Variants in NEK9 observed in about 807,000 individuals in gnomAD.
NEK9 encodes the protein NIMA related kinase 9, also known as serine/threonine-protein kinase Nek9.
NEK9 carries 75 observed loss-of-function variants against 123.4 expected under a neutral mutation model. The ratio of observed to expected loss-of-function variants is 0.61; its 90% CI spans 0.50 to 0.74. The LOEUF is 0.74. NEK9 is among the 30% of genes least tolerant of loss of function. The probability of loss-of-function intolerance (pLI) is 0.00; values close to 1 mark genes in which losing one functional copy is unlikely to be tolerated. For synonymous variants in NEK9, 438 were observed against 458.7 expected (o/e 0.95, Z 0.58); for missense variants, 952 against 1,214.4 (o/e 0.78, Z 3.21).
chr14:75,123,290 A>G (rs1376684847), intron 2 of NEK9, among the ~76,000 whole-genome samples: 1 of 152,108 alleles, frequency 6.6e-6, no homozygotes, highest in Non-Finnish European at 1.5e-5. Context: ...AATCCCAGCT[A>G]CTTGGGAGGC....
At position 75,082,939 on chromosome 14, in the gene NEK9, A is replaced by G. The variant is rs932681453; in HGVS notation, c.*1625T>C. The G allele has an allele frequency of 5.0e-6, 2 of 398,508 alleles. No individual in the cohort carries two copies. The highest frequency in any genetic ancestry group is 8.8e-6 in the Non-Finnish European group (2 of 226,078). The allele number at this position is 398,508 out of a possible 1,614,324, so 24.7% of individuals were successfully genotyped here. ...GGTTTCAGTGATTACATTAGTACTA[A>G]TGTACTAGGCTTCCCAGAACTGAGA... On this transcript the variant is annotated 3_prime_UTR_variant, in exon 22 of 22. Transcript: ENST00000238616.
intron 16 of NEK9, among the ~76,000 whole-genome samples, chr14:75,099,198 G>A (rs777079915): frequency 6.6e-6 from 1 of 152,102 alleles, no homozygotes. Flanking sequence ...GGTGGCACAC[G>A]CCTGTAATTC....
intron 1 of NEK9, among the ~76,000 whole-genome samples, chr14:75,124,768 C>A (rs1253559371): frequency 7.0e-6 from 1 of 142,166 alleles, no homozygotes; most frequent in East Asian, 2.2e-4. Flanking sequence ...CTCCTGATGT[C>A]TACTATCTTT....
At chr14:75,114,492 A>G (rs1895064262) in intron 6 of NEK9, among the ~76,000 whole-genome samples, 179 bp from the exon 7 acceptor site, 1 of 152,346 alleles carries the variant, frequency 6.6e-6, no homozygotes, top group Middle Eastern at 3.4e-3. Context: ...TGATGCTATC[A>G]GACAGAATGA....
At chr14:75,119,993 T>C (rs930210296) in intron 4 of NEK9, among the ~76,000 whole-genome samples, 15 of 152,210 alleles carry the variant, frequency 9.9e-5, no homozygotes, top group African/African-American at 3.6e-4. Flanking sequence ...CACCAGTCAA[T>C]GACTCACTTA....
chr14:75,096,881 C>T (rs1894403909), intron 17 of NEK9: 1 of 393,350 alleles, frequency 2.5e-6, no homozygotes, highest in Non-Finnish European at 4.5e-6. Flanking sequence ...AGAGCCCAAA[C>T]TTATATTAAA....
At chr14:75,112,566 G>A (rs1894991626) in intron 8 of NEK9, among the ~76,000 whole-genome samples, 1 of 152,204 alleles carries the variant, frequency 6.6e-6, no homozygotes, top group Non-Finnish European at 1.5e-5. Context: ...TCTCATGCCT[G>A]TAATCCCAAC....
intron 1 of NEK9, 65 bp from the exon 2 acceptor site, chr14:75,124,288 G>C (rs1895443039): frequency 2.0e-6 from 3 of 1,476,884 alleles, no homozygotes; most frequent in East Asian, 2.3e-5. Flanking sequence ...TCCACACCTA[G>C]ATCTGTAAGC....
At chr14:75,127,144 A>AAGG (rs1214336050), upstream of NEK9, 1 of 475,148 alleles carries the variant, frequency 2.1e-6, no homozygotes, top group Non-Finnish European at 3.7e-6. Context: ...TCTAGCGGCC[A>AAGG]AGGCTTCCCG....
rs1894909118 is a variant in NEK9 at position 75,110,000 on chromosome 14, GAC to G, written c.990-125_990-124del. On this transcript the variant is annotated intron_variant, in intron 9 of 21. Transcript: ENST00000238616. ...GGTATGAGAAAGTATGTTCTTTCTCGACAACTTGTTTCAATGTGCTCTATCAC... is the reference window on the plus strand; with the variant it reads ...GGTATGAGAAAGTATGTTCTTTCTCGAACTTGTTTCAATGTGCTCTATCAC... 1.8e-5 allele frequency: 18 copies of G among 1,010,064 alleles called. No homozygotes were observed. In the South Asian group the frequency reaches 3.1e-4, roughly 17 times the overall value. 62.6% of individuals were successfully genotyped at this position (1,010,064 alleles called of 1,614,324 possible).
At chr14:75,101,223 CAG>C in intron 15 of NEK9, 70 bp from the exon 16 acceptor site, 1 of 1,481,614 alleles carries the variant, frequency 6.7e-7, no homozygotes, top group East Asian at 2.4e-5. Flanking sequence ...TGCAGCCAAG[CAG>C]ACTTCATGGA....
Position 75,114,364 on chromosome 14 carries a change from A to G in NEK9, c.763-51T>C, listed in dbSNP as rs762429061. 19 of 1,381,958 alleles carry G rather than the reference A, an allele frequency of 1.4e-5. No homozygotes were observed. The South Asian group carries it at 2.2e-4, about 16-fold the overall frequency. 85.6% of individuals were successfully genotyped at this position (1,381,958 alleles called of 1,614,324 possible). Reference sequence around the variant, plus strand: ...TTCCTGGTTATATAAAGATGATGCTATACTCTACTGGTAGGGGCTCTCAGG... The same window carrying G: ...TTCCTGGTTATATAAAGATGATGCTGTACTCTACTGGTAGGGGCTCTCAGG... On this transcript the variant is annotated intron_variant, in intron 6 of 21. Coordinates refer to ENST00000238616, the MANE Select transcript of NEK9 (RefSeq NM_033116.6).
At position 75,126,982 on chromosome 14, in the gene NEK9, C is replaced by T. The variant is rs1421819027; in HGVS notation, c.-61G>A. The T allele has an allele frequency of 3.0e-6, 4 of 1,332,664 alleles. No homozygotes were observed. The highest frequency in any genetic ancestry group is 7.3e-5 in the Admixed American group (2 of 27,278). The allele number at this position is 1,332,664 out of a possible 1,614,324, so 82.6% of individuals were successfully genotyped here. A position where few individuals can be genotyped will look rare whatever the true frequency, so the allele number is the denominator to read the frequency against. ...ATGCCCGGAGGCCCTGGCCGCGCTG[C>T]GTCCCGCTCGCTTCAGATGCCGGCC... On this transcript the variant is annotated 5_prime_UTR_variant, in exon 1 of 22. Transcript: ENST00000238616.
chr14:75,126,688 G>A lies in NEK9; in HGVS notation c.219+15C>T, dbSNP rs1895539921. Reference sequence around the variant, plus strand: ...GACAGCGCCAGACAGGGCGGCCGGCGCCGAGGGCCGCTACCTCGGTGCGGC... The same window carrying A: ...GACAGCGCCAGACAGGGCGGCCGGCACCGAGGGCCGCTACCTCGGTGCGGC... On this transcript the variant is annotated intron_variant, in intron 1 of 21. Coordinates refer to ENST00000238616, the MANE Select transcript of NEK9 (RefSeq NM_033116.6). The A allele has an allele frequency of 2.9e-6, 4 of 1,401,594 alleles. No homozygotes were observed. Among genetic ancestry groups the A allele is most frequent in the Non-Finnish European group, 3.7e-6 (4 of 1,082,404 alleles). 86.8% of individuals were successfully genotyped at this position (1,401,594 alleles called of 1,614,324 possible).
chr14:75,125,207 T>A (rs1157871800), intron 1 of NEK9, among the ~76,000 whole-genome samples: 1 of 152,202 alleles, frequency 6.6e-6, no homozygotes, highest in Non-Finnish European at 1.5e-5. Context: ...ACTGTAACCA[T>A]GTCTTTAATT....
intron 16 of NEK9, among the ~76,000 whole-genome samples, chr14:75,098,281 C>T (rs2139743268): frequency 6.6e-6 from 1 of 152,008 alleles, no homozygotes; most frequent in South Asian, 2.1e-4. Flanking sequence ...CTAAGTTTGT[C>T]TGAGATGCCT....
intron 1 of NEK9, among the ~76,000 whole-genome samples, chr14:75,125,547 G>A (rs1260503840): frequency 6.6e-6 from 1 of 152,190 alleles, no homozygotes; most frequent in African/African-American, 2.4e-5. Flanking sequence ...TAACTTAAGT[G>A]AGCAAGTCAC....
At chr14:75,111,162 C>A (rs952270998) in intron 8 of NEK9, among the ~76,000 whole-genome samples, 2 of 152,206 alleles carry the variant, frequency 1.3e-5, no homozygotes, top group Non-Finnish European at 2.9e-5. Context: ...ATCTTTTGCA[C>A]TACCTCTTGA....
At chr14:75,110,675 G>A (rs1398876910) in intron 8 of NEK9, among the ~76,000 whole-genome samples, 2 of 151,816 alleles carry the variant, frequency 1.3e-5, no homozygotes, top group Admixed American at 6.6e-5. Context: ...GTATCTGATG[G>A]ACACCTTCAT....
Sources: gnomAD v4.1 joint callset for allele counts (sites outside exome capture counted in the v4.1 genomes callset) on GRCh38, gnomAD v4.1.1 for gene constraint, MANE v1.5 for transcripts, NCBI Gene and HGNC (gene_info 2026-07-23, HGNC 2026-07-21) for gene names.